Variants in NCAPH observed in about 807,000 individuals in gnomAD.
NCAPH encodes the protein non-SMC condensin I complex subunit H.
Under a neutral mutation model 85.5 loss-of-function variants are expected in NCAPH, and 38 were observed. The ratio of observed to expected loss-of-function variants is 0.44; its 90% confidence interval spans 0.34 to 0.58. The LOEUF is 0.58. Ranked by LOEUF, NCAPH falls within the 20% of genes least tolerant of loss-of-function variation. NCAPH has a pLI of 0.01. For synonymous variants in NCAPH, 301 were observed against 335.1 expected (o/e 0.90, Z 1.11); for missense variants, 789 against 916.6 (o/e 0.86, Z 1.80).
intron 7 of NCAPH, 73 bp from the exon 8 acceptor site, chr2:96,353,233 T>G (rs2064470951): frequency 8.1e-7 from 1 of 1,232,520 alleles, no homozygotes. Context: ...CCACTCAGTA[T>G]CATTCTGAAG....
chr2:96,349,208 A>G (rs1007038622), intron 6 of NCAPH, among the ~76,000 whole-genome samples: 1 of 152,180 alleles, frequency 6.6e-6, no homozygotes, highest in Non-Finnish European at 1.5e-5. Flanking sequence ...TGTTTATGCT[A>G]AGTGAAATGA....
At chr2:96,356,036 G>A (rs953599037) in intron 9 of NCAPH, among the ~76,000 whole-genome samples, 8 of 152,178 alleles carry the variant, frequency 5.3e-5, no homozygotes, top group African/African-American at 1.9e-4. Flanking sequence ...CTTAAACAGT[G>A]AGGTGACATC....
Position 96,359,211 on chromosome 2 carries a change from G to A in NCAPH, c.1357+18G>A. 6.2e-7 allele frequency: 1 copy of A among 1,612,154 alleles called. No homozygotes were observed. The highest frequency in any genetic ancestry group is 8.5e-7 in the Non-Finnish European group (1 of 1,178,926). Reference sequence around the variant, plus strand: ...ACGCAAACGTATGTAATTCTAGGTGGAATTTTAAGAAAAGAAGTAGTGTAG... The same window carrying A: ...ACGCAAACGTATGTAATTCTAGGTGAAATTTTAAGAAAAGAAGTAGTGTAG... On this transcript the variant is annotated intron_variant, in intron 10 of 17. Transcript: ENST00000240423.
intron 9 of NCAPH, among the ~76,000 whole-genome samples, chr2:96,356,124 A>G (rs1425873476): frequency 6.6e-6 from 1 of 152,228 alleles, no homozygotes; most frequent in Non-Finnish European, 1.5e-5. Flanking sequence ...GTTATTTTGA[A>G]CAAATGTCTC....
At chr2:96,364,999 TAA>T (rs772665588) in intron 13 of NCAPH, among the ~76,000 whole-genome samples, 5 of 152,150 alleles carry the variant, frequency 3.3e-5, no homozygotes, top group Non-Finnish European at 7.4e-5. Context: ...TGGCAAAAAA[TAA>T]GTCTTCGGGG....
chr2:96,342,665 G>T, intron 3 of NCAPH, 91 bp from the exon 4 acceptor site: 1 of 1,056,002 alleles, frequency 9.5e-7, no homozygotes, highest in Non-Finnish European at 1.4e-6. Flanking sequence ...GTATTCCTAT[G>T]TAAAGACTTA....
chr2:96,375,445 A>C lies in NCAPH; in HGVS notation c.*2094A>C, dbSNP rs1418729664. 6.6e-6 allele frequency among the ~76,000 whole-genome samples: 1 copy of C among 152,168 alleles called. No individual in the cohort carries two copies. The highest frequency in any genetic ancestry group is 1.5e-5 in the Non-Finnish European group (1 of 68,046). On this transcript the variant is annotated 3_prime_UTR_variant, in exon 18 of 18. Coordinates refer to ENST00000240423, the MANE Select transcript of NCAPH (RefSeq NM_015341.5). ...TGAATGGGATTAGTGCTCTTATAAA[A>C]GAGGCCTGAGGAAGCTTGTTCGTTC...
At chr2:96,358,682 G>C (rs183529337) in intron 9 of NCAPH, among the ~76,000 whole-genome samples, 1 of 152,084 alleles carries the variant, frequency 6.6e-6, no homozygotes, top group African/African-American at 2.4e-5. Flanking sequence ...GTTAGCCAGG[G>C]TGGTCTCGAT....
intron 6 of NCAPH, among the ~76,000 whole-genome samples, chr2:96,349,175 C>T (rs1029884195): frequency 6.6e-6 from 1 of 152,098 alleles, no homozygotes; most frequent in Non-Finnish European, 1.5e-5. Context: ...TTTCGCTAAG[C>T]CTGATATTGA....
In NCAPH at chr2:96,372,909, C is replaced by T. The variant is rs540109407; in HGVS notation, c.2167-383C>T. On this transcript the variant is annotated intron_variant, in intron 17 of 17. Transcript: ENST00000240423. Reference sequence around the variant, plus strand: ...GGTACTATATGAGTTCAGGCATCCACCGGGGGCCTTGGAACACCCCTCGAG... The same window carrying T: ...GGTACTATATGAGTTCAGGCATCCATCGGGGGCCTTGGAACACCCCTCGAG... 6.4e-4 allele frequency among the ~76,000 whole-genome samples: 97 copies of T among 152,242 alleles called. No homozygotes were observed. In the Middle Eastern group the frequency reaches 0.017, roughly 27 times the overall value.
chr2:96,366,034 A>C lies in NCAPH; in HGVS notation c.1857A>C (p.Ser619=), dbSNP rs781441260. The change falls in exon 14 of 18, where the codon TCA becomes TCC. Residue 619 remains serine, a synonymous_variant. Transcript: ENST00000240423. ...QGLDITTYGE[S]NLVAEPQKVN... The stretch of plus-strand genomic sequence containing the variant: ...TAGACATCACAACATATGGGGAGTC[A>C]AACTTGGTAGCTGAGCCTCAGAAGG... 9.9e-6 allele frequency: 16 copies of C among 1,614,122 alleles called. No individual in the cohort carries two copies. Among genetic ancestry groups the C allele is most frequent in the Admixed American group, 1.7e-5 (1 of 60,008 alleles).
In NCAPH at chr2:96,369,040, G is replaced by T. The variant is rs1367353108; in HGVS notation, c.2067G>T (p.Gly689=). The T allele has an allele frequency of 6.4e-7, 1 of 1,555,604 alleles. No individual in the cohort carries two copies. The highest frequency in any genetic ancestry group is 8.7e-7 in the Non-Finnish European group (1 of 1,149,070). The change falls in exon 16 of 18, where the codon GGG becomes GGT. Residue 689 remains glycine (G), a synonymous_variant. Coordinates refer to ENST00000240423, the MANE Select transcript of NCAPH (RefSeq NM_015341.5). ...AEVADEKMLS[G]LTKDLQRSLP... ...TGGCTGACGAGAAGATGCTTAGCGGGCTCACGAAGGACCTGCAGAGGAGGT... is the reference window on the plus strand; with the variant it reads ...TGGCTGACGAGAAGATGCTTAGCGGTCTCACGAAGGACCTGCAGAGGAGGT...
chr2:96,363,228 T>TTAA (rs1446563374), intron 12 of NCAPH, among the ~76,000 whole-genome samples: 1 of 152,214 alleles, frequency 6.6e-6, no homozygotes, highest in Non-Finnish European at 1.5e-5. Flanking sequence ...TGTAAATTGT[T>TTAA]TTTTAGACAT....
In NCAPH at chr2:96,351,971, A is replaced by T. The variant is rs768218446; in HGVS notation, c.861A>T (p.Glu287Asp). Residue 287 changes from glutamate to aspartate, a missense_variant, in exon 7 of 18, where the codon GAA (glutamate) becomes GAT (aspartate). Coordinates refer to ENST00000240423, the MANE Select transcript of NCAPH (RefSeq NM_015341.5). The stretch of plus-strand genomic sequence containing the variant: ...ATGTCCAGACTCTCTCCACGGGAGA[A>T]CCTCTCGAGTTGCCAGAGTTAGGTT... ...PSDVQTLSTG[E>D]PLELPELGCV... The T allele has an allele frequency of 1.2e-6, 2 of 1,614,094 alleles. No individual in the cohort carries two copies. Among genetic ancestry groups the T allele is most frequent in the South Asian group, 1.1e-5 (1 of 91,060 alleles).
At chr2:96,367,927 T>C (rs1186410305) in intron 15 of NCAPH, among the ~76,000 whole-genome samples, 2 of 152,244 alleles carry the variant, frequency 1.3e-5, no homozygotes, top group Non-Finnish European at 2.9e-5. Context: ...AGTTGCTCTA[T>C]GCTATGAAAT....
At chr2:96,368,922 C>T in intron 15 of NCAPH, 50 bp from the exon 16 acceptor site, 1 of 1,503,648 alleles carries the variant, frequency 6.7e-7, no homozygotes, top group Admixed American at 2.2e-5. Flanking sequence ...GTTGCCCTTT[C>T]AAAAGTGCAC....
rs549319658 is a variant in NCAPH at position 96,376,176 on chromosome 2, A to G, written c.*2825A>G. On this transcript the variant is annotated 3_prime_UTR_variant, in exon 18 of 18. Coordinates refer to ENST00000240423, the MANE Select transcript of NCAPH (RefSeq NM_015341.5). ...ATGCTGAGAAGCCTCCTGAGATAAG[A>G]GCGTATACCATGTCCATAACTGAAG... Among the ~76,000 whole-genome samples, 82 of 152,328 alleles carry G rather than the reference A, an allele frequency of 5.4e-4. No individual in the cohort carries two copies. The highest frequency in any genetic ancestry group is 9.7e-4 in the Non-Finnish European group (66 of 68,032).
intron 1 of NCAPH, among the ~76,000 whole-genome samples, chr2:96,338,879 C>T (rs1219812801): frequency 2.0e-5 from 3 of 152,138 alleles, no homozygotes; most frequent in Non-Finnish European, 4.4e-5. Context: ...GGCGCGATCT[C>T]GACTCACAGC....
In NCAPH at chr2:96,354,501, A is replaced by G. The variant is rs558503776; in HGVS notation, c.1208+113A>G. 2.5e-5 allele frequency: 23 copies of G among 919,978 alleles called. No homozygotes were observed. In the South Asian group the frequency reaches 2.7e-4, roughly 11 times the overall value. The allele number at this position is 919,978 out of a possible 1,614,324, so 57.0% of individuals were successfully genotyped here. A position where few individuals can be genotyped will look rare whatever the true frequency, so the allele number is the denominator to read the frequency against. ...TTCTTTCTTTTTTTTTCCCCCCCCA[A>G]AAATAGAGACGGGCATCTCACTGCA... On this transcript the variant is annotated intron_variant, in intron 9 of 17. Coordinates refer to ENST00000240423, the MANE Select transcript of NCAPH (RefSeq NM_015341.5).
Sources: gnomAD v4.1 joint callset for allele counts (sites outside exome capture counted in the v4.1 genomes callset) on GRCh38, gnomAD v4.1.1 for gene constraint, MANE v1.5 for transcripts, NCBI Gene and HGNC (gene_info 2026-07-23, HGNC 2026-07-21) for gene names.